CEP85L: variants seen among roughly 807,000 people sequenced by gnomAD.
CEP85L encodes the protein centrosomal protein of 85 kDa-like.
A neutral mutation model predicts 100.3 loss-of-function variants in CEP85L; 60 were observed. The observed-to-expected ratio is 0.60, with a 90% CI of 0.49 to 0.74. CEP85L has a LOEUF of 0.74. Ranked by LOEUF, CEP85L falls within the 30% of genes least tolerant of loss-of-function variation. The pLI, the probability that CEP85L is intolerant of heterozygous loss-of-function variation, is 0.00. For missense variants in CEP85L, 973 were observed against 936.2 expected, an observed-to-expected ratio of 1.04 and a Z score of -0.51; for synonymous variants, 319 against 322.7, an observed-to-expected ratio of 0.99 and a Z score of 0.12.
At position 118,483,849 on chromosome 6, in the gene CEP85L, T is replaced by C. The variant is rs1216681455; in HGVS notation, c.1447A>G (p.Arg483Gly). ...KKKLEEKLKT[R>G]DRYISSLKKK... ...TTCAGACTACTGATGTATCGATCTCTAGTTTTAAGCTAAAAGCAAACAATT... is the reference window on the plus strand; with the variant it reads ...TTCAGACTACTGATGTATCGATCTCCAGTTTTAAGCTAAAAGCAAACAATT... The change falls in exon 7 of 13, where the codon AGA (arginine) becomes GGA (glycine). Residue 483 changes from arginine (R) to glycine (G), a missense_variant. Arg to Gly is a moderately radical substitution (Grantham distance 125). This residue lies in a region of CEP85L where 890 missense variants were observed against 844.5 expected (regional missense o/e 1.05). Transcript: ENST00000368491. 5.0e-6 allele frequency: 8 copies of C among 1,612,520 alleles called. No homozygotes were observed. The highest frequency in any genetic ancestry group is 6.8e-6 in the Non-Finnish European group (8 of 1,179,532).
chr6:118,551,967 C>A (rs935164178), intron 3 of CEP85L, among the ~76,000 whole-genome samples: 1 of 152,076 alleles, frequency 6.6e-6, no homozygotes, highest in East Asian at 1.9e-4. Flanking sequence ...AGGGTATATG[C>A]ACATTCACTT....
In CEP85L at chr6:118,462,748, T is replaced by A. The variant is rs1772296977; in HGVS notation, c.*2657A>T. 1 of 151,998 alleles carries A rather than the reference T, an allele frequency of 6.6e-6. No individual in the cohort carries two copies. The highest frequency in any genetic ancestry group is 6.6e-5 in the Admixed American group (1 of 15,254). 9.4% of individuals were successfully genotyped at this position (151,998 alleles called of 1,614,324 possible). On this transcript the variant is annotated 3_prime_UTR_variant, in exon 13 of 13. Coordinates refer to ENST00000368491, the MANE Select transcript of CEP85L (RefSeq NM_001042475.3). ...GTTGCTATTTGCCCATCTTATTTGG[T>A]CTAACAGTAAAATCTGTTTTTAATG...
intron 2 of CEP85L, among the ~76,000 whole-genome samples, chr6:118,602,547 T>C (rs1781838852): frequency 6.6e-6 from 1 of 152,186 alleles, no homozygotes; most frequent in African/African-American, 2.4e-5. Context: ...TCACAGGAAT[T>C]AGTTCACAGG....
rs7743702 is a variant in CEP85L, at chr6:118,470,641, T to C, written c.1918A>G (p.Met640Val). ...TTCTCTTTAGAAAGCTTTCCTTGCA[T>C]AGACTAGAATTTTTAAAAAAATTGG... ...IDRMILEIQSMQGKLSKEKLT... is the reference protein window; with the variant it reads ...IDRMILEIQSVQGKLSKEKLT... Residue 640 changes from methionine to valine, a missense_variant, in exon 11 of 13, where the codon ATG becomes GTG. Met to Val is a conservative substitution (Grantham distance 21). This residue lies in a region of CEP85L where 890 missense variants were observed against 844.5 expected (regional missense o/e 1.05). Transcript: ENST00000368491. The C allele has an allele frequency of 0.023, 35,549 of 1,566,756 alleles. 530 individuals are homozygous for C. Among genetic ancestry groups the C allele is most frequent in the African/African-American group, 0.059 (4,272 of 72,326 alleles).
At chr6:118,666,274 G>T (rs1196354966) in intron 1 of CEP85L, among the ~76,000 whole-genome samples, 1 of 152,134 alleles carries the variant, frequency 6.6e-6, no homozygotes, top group Non-Finnish European at 1.5e-5. Context: ...ACCTATACAG[G>T]TGTTTTCCTA....
In CEP85L at chr6:118,519,470, GT is replaced by G. The variant is rs1341672503; in HGVS notation, c.1139+4331del. ...TGTGTGTGTGTGTGTGTGTGTGTGT[GT>G]GTGGCGGGGGGGGGTTGTGAAACTC... On this transcript the variant is annotated intron_variant, in intron 4 of 12. Coordinates refer to ENST00000368491, the MANE Select transcript of CEP85L (RefSeq NM_001042475.3). 3.1e-3 allele frequency among the ~76,000 whole-genome samples: 169 copies of G among 54,500 alleles called. 2 individuals are homozygous for G. The highest frequency in any genetic ancestry group is 5.3e-3 in the Non-Finnish European group (132 of 25,062). 35.8% of individuals were successfully genotyped at this position (54,500 alleles called of 152,430 possible).
At chr6:118,697,010 G>A (rs998084892) in intron 1 of CEP85L, among the ~76,000 whole-genome samples, 1 of 152,136 alleles carries the variant, frequency 6.6e-6, no homozygotes, top group Admixed American at 6.5e-5. Flanking sequence ...CATTTTAATA[G>A]ATAAAGAAAC....
In CEP85L at chr6:118,581,961, T is replaced by C. The variant is rs571420920; in HGVS notation, c.233-15645A>G. On this transcript the variant is annotated intron_variant, in intron 2 of 12. Transcript: ENST00000368491. ...AAACAGAAGGGCAAATGGACTGAGA[T>C]CCCCTATGTACAGACTTTCTTTGCC... Among the ~76,000 whole-genome samples, 7 of 152,214 alleles carry C rather than the reference T, an allele frequency of 4.6e-5. No individual in the cohort carries two copies. In the South Asian group the frequency reaches 1.5e-3, roughly 32 times the overall value.
intron 2 of CEP85L, among the ~76,000 whole-genome samples, chr6:118,629,672 T>TA (rs1774017679): frequency 6.6e-6 from 1 of 152,168 alleles, no homozygotes; most frequent in Non-Finnish European, 1.5e-5. Flanking sequence ...AATATACTCT[T>TA]ACCACATGAT....
intron 3 of CEP85L, among the ~76,000 whole-genome samples, chr6:118,551,481 AAG>A (rs1778542219): frequency 7.0e-6 from 1 of 143,126 alleles, no homozygotes. Context: ...CTACAGGGTT[AAG>A]AAGAATATTT....
intron 1 of CEP85L, among the ~76,000 whole-genome samples, chr6:118,678,519 C>T (rs779213648): frequency 6.6e-6 from 1 of 152,196 alleles, no homozygotes; most frequent in African/African-American, 2.4e-5. Context: ...TGACTCTCTG[C>T]ATTTACTTTA....
chr6:118,560,394 T>C (rs1779154873), intron 3 of CEP85L: 1 of 167,070 alleles, frequency 6.0e-6, no homozygotes. Context: ...GAAAATATAT[T>C]TACTATTCAT....
At chr6:118,652,041 G>T, upstream of CEP85L, 1 of 451,680 alleles carries the variant, frequency 2.2e-6, no homozygotes, top group Non-Finnish European at 2.9e-6. Flanking sequence ...GTATTCCTTC[G>T]TTTATAGATT....
chr6:118,490,364 A>T (rs1425284661), intron 6 of CEP85L, among the ~76,000 whole-genome samples: 1 of 152,232 alleles, frequency 6.6e-6, no homozygotes, highest in East Asian at 1.9e-4. Flanking sequence ...AAGAGAAAAT[A>T]TAATGGGATG....
chr6:118,535,523 T>C (rs1777541394), intron 3 of CEP85L, among the ~76,000 whole-genome samples: 1 of 152,032 alleles, frequency 6.6e-6, no homozygotes, highest in Non-Finnish European at 1.5e-5. Flanking sequence ...AAAATATTAA[T>C]AATGGAAAAT....
At chr6:118,630,987 G>C (rs990799965) in intron 2 of CEP85L, among the ~76,000 whole-genome samples, 2 of 152,188 alleles carry the variant, frequency 1.3e-5, no homozygotes, top group South Asian at 2.1e-4. Context: ...CTCCACCCTG[G>C]TCCGTGGAAA....
intron 1 of CEP85L, among the ~76,000 whole-genome samples, chr6:118,707,796 C>T (rs1187769596): frequency 3.9e-5 from 6 of 152,042 alleles, no homozygotes; most frequent in Non-Finnish European, 5.9e-5. Flanking sequence ...CCTTAATTCA[C>T]GGAACAGCAA....
chr6:118,562,938 C>T (rs999761830), intron 3 of CEP85L, among the ~76,000 whole-genome samples: 7 of 152,166 alleles, frequency 4.6e-5, no homozygotes, highest in Non-Finnish European at 1.0e-4. Context: ...TCCTCCATCC[C>T]TTCCACCCTA....
intron 2 of CEP85L, among the ~76,000 whole-genome samples, chr6:118,570,018 T>C (rs763298722): frequency 3.3e-4 from 50 of 152,322 alleles, no homozygotes; most frequent in Non-Finnish European, 6.2e-4. Flanking sequence ...TACATATCAC[T>C]GTTTAAAATA....
Sources: gnomAD v4.1 joint callset for allele counts (sites outside exome capture counted in the v4.1 genomes callset) on GRCh38, gnomAD v4.1.1 for gene constraint, gnomAD v4.1.1 regional missense constraint, MANE v1.5 for transcripts, NCBI Gene and HGNC (gene_info 2026-07-23, HGNC 2026-07-21) for gene names.